The following SETD3 variants were observed in gnomAD, a reference collection of about 807,000 sequenced individuals.
SETD3 encodes the protein actin-histidine N-methyltransferase.
In SETD3, 19 loss-of-function variants were observed where a neutral mutation model predicts 63.0. That is an observed-to-expected ratio of 0.30 (90% CI 0.21 to 0.44). The LOEUF (loss-of-function observed/expected upper bound fraction) is 0.44. SETD3 is among the 20% of genes least tolerant of loss of function. The pLI is 1.00. For missense variants in SETD3, 587 were observed against 728.5 expected, an observed-to-expected ratio of 0.81 and a Z score of 2.24; for synonymous variants, 286 against 264.1, an observed-to-expected ratio of 1.08 and a Z score of -0.80.
rs773512204 is a variant in SETD3 at position 99,458,518 on chromosome 14, C to A, written c.436G>T (p.Asp146Tyr). Residue 146 changes from aspartate to tyrosine, a missense_variant, in exon 6 of 13, where the codon GAC (aspartate) becomes TAC (tyrosine). Physicochemically the swap from Asp to Tyr is radical, Grantham distance 160. Coordinates refer to ENST00000331768, the MANE Select transcript of SETD3 (RefSeq NM_032233.3). Reference sequence around the variant, plus strand: ...TTTCCCATGGCTTGAAGGATTCGGTCTTGAGAATATAAGGGCCCTGAATTA... The same window carrying A: ...TTTCCCATGGCTTGAAGGATTCGGTATTGAGAATATAAGGGCCCTGAATTA... ...NSVLGPLYSQ[D>Y]RILQAMGNIA... 6.2e-7 allele frequency: 1 copy of A among 1,614,092 alleles called. No individual in the cohort carries two copies. Among genetic ancestry groups the A allele is most frequent in the Middle Eastern group, 1.6e-4 (1 of 6,062 alleles).
chr14:99,482,184 A>G (rs940609858), upstream of SETD3, among the ~76,000 whole-genome samples: 1 of 152,222 alleles, frequency 6.6e-6, no homozygotes, highest in Non-Finnish European at 1.5e-5. Flanking sequence ...AGCTTTCGCT[A>G]AGTCATCTGA....
chr14:99,429,749 A>C (rs144668610), intron 6 of SETD3, among the ~76,000 whole-genome samples: 1 of 152,362 alleles, frequency 6.6e-6, no homozygotes, highest in African/African-American at 2.4e-5. Flanking sequence ...CAACACCAGG[A>C]GTCTTGAACA....
intron 6 of SETD3, among the ~76,000 whole-genome samples, chr14:99,432,178 G>A (rs1296870706): frequency 1.3e-5 from 2 of 152,098 alleles, no homozygotes; most frequent in African/African-American, 4.8e-5. Flanking sequence ...AAAAATTAAA[G>A]GACAAATTCC....
intron 9 of SETD3, 97 bp from the exon 10 acceptor site, chr14:99,405,468 T>C: frequency 7.7e-7 from 1 of 1,296,890 alleles, no homozygotes; most frequent in Non-Finnish European, 1.1e-6. Context: ...ACTTTACATT[T>C]AGACACTAAA....
intron 6 of SETD3, among the ~76,000 whole-genome samples, chr14:99,432,006 T>C (rs1566703815): frequency 6.6e-6 from 1 of 152,190 alleles, no homozygotes; most frequent in Non-Finnish European, 1.5e-5. Context: ...TCATGATCCA[T>C]CTTGAATGAC....
At chr14:99,442,586 G>A (rs1893887358) in intron 6 of SETD3, among the ~76,000 whole-genome samples, 1 of 152,162 alleles carries the variant, frequency 6.6e-6, no homozygotes, top group Non-Finnish European at 1.5e-5. Context: ...AGACCCTGAT[G>A]ATAACCCACT....
At position 99,412,870 on chromosome 14, in the gene SETD3, A is replaced by G. The variant is rs573938258; in HGVS notation, c.849+81T>C. The G allele has an allele frequency of 3.5e-4, 337 of 969,218 alleles. 2 individuals carry two copies. In the East Asian group the frequency reaches 7.2e-3, roughly 21 times the overall value. 60.0% of individuals were successfully genotyped at this position (969,218 alleles called of 1,614,324 possible). On this transcript the variant is annotated intron_variant, in intron 8 of 12. Coordinates refer to ENST00000331768, the MANE Select transcript of SETD3 (RefSeq NM_032233.3). Reference sequence around the variant, plus strand: ...AGGCAACGGGGGGAGTACGATGGGTAGGTGGAATAACAGCCCCCTCCCAAA... The same window carrying G: ...AGGCAACGGGGGGAGTACGATGGGTGGGTGGAATAACAGCCCCCTCCCAAA...
chr14:99,446,975 CTT>C (rs35458723), intron 6 of SETD3, among the ~76,000 whole-genome samples: 60,165 of 141,414 alleles, frequency 0.43, 12,731 homozygotes, highest in East Asian at 0.56. Flanking sequence ...TATTTCATTT[CTT>C]TTTTTTTTTT....
Position 99,463,525 on chromosome 14 carries a change from T to G in SETD3, c.157A>C (p.Ile53Leu), listed in dbSNP as rs1895193661. ...PGKEWEEYVQ[I>L]RTLVEKIRKK... ...CGTATTTTCTCAACCAGAGTCCGGA[T>G]CTGCACATACTCTTCCCACTCTTTT... The change falls in exon 3 of 13, where the codon ATC becomes CTC. Residue 53 changes from isoleucine to leucine, a missense_variant. By Grantham distance (5) the Ile-to-Leu change is conservative. Coordinates refer to ENST00000331768, the MANE Select transcript of SETD3 (RefSeq NM_032233.3). 6.2e-7 allele frequency: 1 copy of G among 1,614,102 alleles called. No homozygotes were observed.
chr14:99,404,817 T>C (rs1000835129), intron 10 of SETD3, among the ~76,000 whole-genome samples: 1 of 152,194 alleles, frequency 6.6e-6, no homozygotes, highest in African/African-American at 2.4e-5. Flanking sequence ...AGAACTTAAC[T>C]AGAAATTCTT....
chr14:99,442,115 C>T (rs2895789), intron 6 of SETD3, among the ~76,000 whole-genome samples: 9 of 152,264 alleles, frequency 5.9e-5, no homozygotes, highest in South Asian at 2.1e-4. Flanking sequence ...CTGAGCACAC[C>T]GGCTCCGCAT....
At chr14:99,467,823 C>G (rs1330116638) in intron 1 of SETD3, among the ~76,000 whole-genome samples, 1 of 152,170 alleles carries the variant, frequency 6.6e-6, no homozygotes, top group African/African-American at 2.4e-5. Flanking sequence ...CCACCAACAG[C>G]TACAAAACAG....
At chr14:99,440,714 GC>G (rs1893755985) in intron 6 of SETD3, among the ~76,000 whole-genome samples, 1 of 151,548 alleles carries the variant, frequency 6.6e-6, no homozygotes. Flanking sequence ...GAGGTAAGAG[GC>G]CTTGTAGGGA....
Position 99,458,276 on chromosome 14 carries a change from C to G in SETD3, c.675+3G>C, listed in dbSNP as rs750557870. The G allele has an allele frequency of 1.2e-6, 2 of 1,609,196 alleles. No homozygotes were observed. The highest frequency in any genetic ancestry group is 8.5e-7 in the Non-Finnish European group (1 of 1,176,296). ...TATACTTAAATTGCAAACAGCTGCT[C>G]ACCTGGATGACTTTATAGAAGTAGG... On this transcript the variant is annotated splice_donor_region_variant and intron_variant, in intron 6 of 12. Coordinates refer to ENST00000331768, the MANE Select transcript of SETD3 (RefSeq NM_032233.3).
intron 6 of SETD3, among the ~76,000 whole-genome samples, chr14:99,451,874 C>T (rs1343840512): frequency 2.6e-5 from 4 of 152,036 alleles, no homozygotes; most frequent in Non-Finnish European, 4.4e-5. Context: ...TGGTTACACA[C>T]TATTATCTGT....
At chr14:99,405,113 G>A (rs1295007609) in intron 10 of SETD3, 92 bp downstream of exon 10, 6 of 1,479,312 alleles carry the variant, frequency 4.1e-6, no homozygotes, top group Non-Finnish European at 5.4e-6. Flanking sequence ...AACTACTGGA[G>A]AGAAGTTTTA....
At chr14:99,469,645 C>T (rs964460545) in intron 1 of SETD3, among the ~76,000 whole-genome samples, 1 of 152,214 alleles carries the variant, frequency 6.6e-6, no homozygotes, top group African/African-American at 2.4e-5. Context: ...ACTCAGGAGG[C>T]TCAGGTGGGA....
At chr14:99,404,635 TTTATG>T (rs1323407064) in intron 10 of SETD3, among the ~76,000 whole-genome samples, 2 of 151,848 alleles carry the variant, frequency 1.3e-5, no homozygotes, top group African/African-American at 4.8e-5. Context: ...TTAACAATAA[TTTATG>T]TTGAGTTCAC....
chr14:99,428,387 G>A (rs1460091149), intron 6 of SETD3, among the ~76,000 whole-genome samples: 3 of 152,174 alleles, frequency 2.0e-5, no homozygotes, highest in African/African-American at 7.2e-5. Flanking sequence ...GCTCACACCT[G>A]TAATCCTAGC....
Sources: gnomAD v4.1 joint callset for allele counts (sites outside exome capture counted in the v4.1 genomes callset) on GRCh38, gnomAD v4.1.1 for gene constraint, MANE v1.5 for transcripts, NCBI Gene and HGNC (gene_info 2026-07-23, HGNC 2026-07-21) for gene names.